The following NMNAT3 variants were observed in gnomAD, a reference collection of about 807,000 sequenced individuals.
The protein encoded by NMNAT3 is nicotinamide/nicotinic acid mononucleotide adenylyltransferase 3.
NMNAT3 carries 21 observed loss-of-function variants against 24.8 expected under a neutral mutation model. The ratio of observed to expected loss-of-function variants is 0.85; its 90% CI spans 0.60 to 1.22. NMNAT3 has a LOEUF of 1.22. Ranked by LOEUF, NMNAT3 falls within the 50% of genes most tolerant of loss-of-function variation. NMNAT3 has a pLI of 0.00. For missense variants in NMNAT3, 387 were observed against 436.6 expected, an observed-to-expected ratio of 0.89 and a Z score of 1.01; for synonymous variants, 136 against 155.2, an observed-to-expected ratio of 0.88 and a Z score of 0.92.
At chr3:139,665,299 A>G (rs2057541672) in intron 1 of NMNAT3, among the ~76,000 whole-genome samples, 1 of 152,190 alleles carries the variant, frequency 6.6e-6, no homozygotes, top group African/African-American at 2.4e-5. Context: ...TACAGATGCA[A>G]TAAGAGGAGG....
At chr3:139,615,743 G>T (rs926529380) in intron 3 of NMNAT3, among the ~76,000 whole-genome samples, 5 of 152,040 alleles carry the variant, frequency 3.3e-5, no homozygotes, top group African/African-American at 9.7e-5. Flanking sequence ...TCAGGAAAAA[G>T]AAATCTACTT....
intron 6 of NMNAT3, among the ~76,000 whole-genome samples, chr3:139,572,520 A>T (rs756960005): frequency 2.7e-4 from 41 of 152,250 alleles, no homozygotes; most frequent in Non-Finnish European, 4.9e-4. Context: ...TCCCACTCAG[A>T]AGGGAAGACA....
At chr3:139,583,581 G>T (rs1339406814) in intron 3 of NMNAT3, 19 of 765,102 alleles carry the variant, frequency 2.5e-5, no homozygotes, top group Non-Finnish European at 4.3e-5. Context: ...AATATAGGTG[G>T]ATTGAGAGAC....
At chr3:139,670,477 A>G (rs973694804) in intron 1 of NMNAT3, among the ~76,000 whole-genome samples, 8 of 152,120 alleles carry the variant, frequency 5.3e-5, no homozygotes, top group African/African-American at 1.9e-4. Context: ...TAATTTCCCT[A>G]CCTTTTGCTA....
At chr3:139,569,158 T>A (rs1937646879) in intron 6 of NMNAT3, 1 of 110,526 alleles carries the variant, frequency 9.0e-6, no homozygotes, top group African/African-American at 3.0e-5. Context: ...GAGACTAGGA[T>A]TGCAACCCCT....
intron 2 of NMNAT3, among the ~76,000 whole-genome samples, chr3:139,633,074 A>C (rs775995366): frequency 3.3e-5 from 5 of 152,174 alleles, no homozygotes; most frequent in Non-Finnish European, 7.3e-5. Flanking sequence ...CTGCTGGAGA[A>C]GGCGAGGAAA....
At chr3:139,621,755 C>G (rs1419639506) in intron 3 of NMNAT3, among the ~76,000 whole-genome samples, 2 of 152,148 alleles carry the variant, frequency 1.3e-5, no homozygotes, top group East Asian at 1.9e-4. Flanking sequence ...CTAACTCACC[C>G]TTCCCAGTCT....
chr3:139,607,149 A>G (rs1220818011), intron 3 of NMNAT3, among the ~76,000 whole-genome samples: 2 of 151,420 alleles, frequency 1.3e-5, no homozygotes, highest in East Asian at 1.9e-4. Context: ...ATATAAATAT[A>G]TAATTATATT....
chr3:139,634,993 C>A (rs913916720), intron 2 of NMNAT3: 1 of 152,118 alleles, frequency 6.6e-6, no homozygotes, highest in Admixed American at 6.5e-5. Context: ...GCTCAGTGAG[C>A]CACATAGAAA....
Position 139,566,747 on chromosome 3 carries a change from G to C in NMNAT3, c.659-5355C>G, listed in dbSNP as rs1455154148. The C allele has an allele frequency of 2.6e-5, 4 of 152,322 alleles. No individual in the cohort carries two copies. The East Asian group carries it at 7.7e-4, about 29-fold the overall frequency. The allele number at this position is 152,322 out of a possible 1,614,324, so 9.4% of individuals were successfully genotyped here. ...ATCTCTGTTTTGGTACCAGTACCATGCTGTTTTGGTTACTGTAGCCTTGTA... is the reference window on the plus strand; with the variant it reads ...ATCTCTGTTTTGGTACCAGTACCATCCTGTTTTGGTTACTGTAGCCTTGTA... On this transcript the variant is annotated intron_variant, in intron 6 of 6. Transcript: ENST00000643695.
chr3:139,560,910 A>T lies in NMNAT3; in HGVS notation c.*100T>A. ...AATCACTGTAGAAATAAAGCAAATG[A>T]AAAATGGAGAAGCAAAAACCAAAGT... On this transcript the variant is annotated 3_prime_UTR_variant, in exon 7 of 7. Transcript: ENST00000643695. 8.2e-7 allele frequency: 1 copy of T among 1,213,176 alleles called. No individual in the cohort carries two copies. 75.2% of individuals were successfully genotyped at this position (1,213,176 alleles called of 1,614,324 possible).
At chr3:139,635,375 A>G (rs755417015) in intron 2 of NMNAT3, 1 of 152,202 alleles carries the variant, frequency 6.6e-6, no homozygotes, top group Non-Finnish European at 1.5e-5. Flanking sequence ...GCTCCAAGAA[A>G]ACAACCCTCC....
chr3:139,600,093 T>C (rs1209453524), intron 3 of NMNAT3, among the ~76,000 whole-genome samples: 2 of 152,214 alleles, frequency 1.3e-5, no homozygotes, highest in East Asian at 3.9e-4. Context: ...AGAGTCTTCC[T>C]TTCAATCAGC....
intron 1 of NMNAT3, among the ~76,000 whole-genome samples, chr3:139,676,339 CA>C (rs1184969891): frequency 3.9e-5 from 6 of 152,336 alleles, no homozygotes; most frequent in Admixed American, 3.9e-4. Context: ...AATGCTCTCC[CA>C]AATCCATGGG....
chr3:139,611,551 G>T (rs2055215881), intron 3 of NMNAT3, among the ~76,000 whole-genome samples: 1 of 152,208 alleles, frequency 6.6e-6, no homozygotes, highest in Non-Finnish European at 1.5e-5. Context: ...TGGTCACAAG[G>T]AGGGGAGCAT....
chr3:139,572,678 A>G (rs915776171), intron 6 of NMNAT3, among the ~76,000 whole-genome samples: 11 of 152,182 alleles, frequency 7.2e-5, no homozygotes, highest in African/African-American at 2.7e-4. Flanking sequence ...ATCTTGCTCT[A>G]GGAAGCACTA....
chr3:139,636,065 T>C (rs2056488114), intron 2 of NMNAT3: 1 of 152,196 alleles, frequency 6.6e-6, no homozygotes, highest in Admixed American at 6.5e-5. Flanking sequence ...CCTGAAGCTG[T>C]CATGCCAACC....
chr3:139,664,236 G>GA (rs1475952850), intron 1 of NMNAT3, among the ~76,000 whole-genome samples: 1 of 152,138 alleles, frequency 6.6e-6, no homozygotes, highest in East Asian at 1.9e-4. Flanking sequence ...CCCCAAGTTA[G>GA]ATACTCTTCA....
intron 3 of NMNAT3, among the ~76,000 whole-genome samples, chr3:139,602,403 A>G (rs2054756932): frequency 6.6e-6 from 1 of 152,208 alleles, no homozygotes; most frequent in Admixed American, 6.5e-5. Context: ...ACTTGAAACA[A>G]GATTTTTTCC....
Sources: allele counts gnomAD v4.1 joint callset (sites outside exome capture counted in the v4.1 genomes callset), GRCh38; gene constraint gnomAD v4.1.1; transcripts MANE v1.5; gene names NCBI Gene and HGNC (gene_info 2026-07-23, HGNC 2026-07-21).